Variants in DDX46 observed in about 807,000 individuals in gnomAD.
DDX46 encodes probable ATP-dependent RNA helicase DDX46.
In DDX46, 30 loss-of-function variants were observed where a neutral mutation model predicts 134.9. The ratio of observed to expected loss-of-function variants is 0.22; its 90% CI spans 0.17 to 0.30. The LOEUF (loss-of-function observed/expected upper bound fraction) is 0.30, where lower values mean the gene tolerates loss of function less well. Ranked by LOEUF, DDX46 falls within the 10% of genes least tolerant of loss-of-function variation. The probability of loss-of-function intolerance (pLI) is 1.00; values close to 1 mark genes in which losing one functional copy is unlikely to be tolerated. For synonymous variants in DDX46, 415 were observed against 404.1 expected, an observed-to-expected ratio of 1.03 and a Z score of -0.32; for missense variants, 622 against 1,248.7, an observed-to-expected ratio of 0.50 and a Z score of 7.56.
intron 13 of DDX46, among the ~76,000 whole-genome samples, chr5:134,794,475 C>G (rs1269563499): frequency 6.6e-6 from 1 of 152,124 alleles, no homozygotes; most frequent in Non-Finnish European, 1.5e-5. Flanking sequence ...GAATCCTCCT[C>G]TTTTTGTCTG....
At chr5:134,825,265 T>C (rs1755558707) in intron 21 of DDX46, among the ~76,000 whole-genome samples, 1 of 152,240 alleles carries the variant, frequency 6.6e-6, no homozygotes, top group Non-Finnish European at 1.5e-5. Context: ...TAATTTTCAG[T>C]TTGACTTCGG....
At chr5:134,763,815 C>T in intron 1 of DDX46, 89 bp from the exon 2 acceptor site, 1 of 1,406,496 alleles carries the variant, frequency 7.1e-7, no homozygotes, top group Non-Finnish European at 9.5e-7. Context: ...TTAAATTTGT[C>T]TGCTGAAATT....
intron 1 of DDX46, among the ~76,000 whole-genome samples, chr5:134,760,930 C>T (rs1427879878): frequency 2.6e-5 from 4 of 152,058 alleles, no homozygotes; most frequent in Non-Finnish European, 1.5e-5. Flanking sequence ...GGGGTTTCAC[C>T]GTGTTAGCCA....
chr5:134,767,116 C>T, intron 3 of DDX46, 56 bp downstream of exon 3: 1 of 1,504,934 alleles, frequency 6.6e-7, no homozygotes, highest in Non-Finnish European at 8.9e-7. Flanking sequence ...CTTCCCTTCT[C>T]TGCGCCTTTT....
chr5:134,823,119 A>G (rs1433286192), intron 21 of DDX46, among the ~76,000 whole-genome samples: 1 of 147,758 alleles, frequency 6.8e-6, no homozygotes, highest in African/African-American at 2.5e-5. Flanking sequence ...CTAGCAACTA[A>G]CTCAGGTTTT....
chr5:134,812,606 A>G (rs1459420658), intron 18 of DDX46, among the ~76,000 whole-genome samples: 1 of 152,128 alleles, frequency 6.6e-6, no homozygotes, highest in Non-Finnish European at 1.5e-5. Context: ...TTGTCCTATT[A>G]ACCTTAAGCC....
intron 11 of DDX46, among the ~76,000 whole-genome samples, chr5:134,786,120 A>AT (rs1300863106): frequency 6.6e-6 from 1 of 152,110 alleles, no homozygotes; most frequent in Non-Finnish European, 1.5e-5. Flanking sequence ...AAGTGTTGGG[A>AT]TTACAGGTGT....
intron 18 of DDX46, among the ~76,000 whole-genome samples, chr5:134,812,710 CA>C (rs150257312): frequency 0.086 from 13,123 of 151,940 alleles, 1,299 homozygotes; most frequent in African/African-American, 0.24. Context: ...AATCTCAGCT[CA>C]ACTGCAACCT....
At chr5:134,819,537 A>G (rs1340931626) in intron 21 of DDX46, among the ~76,000 whole-genome samples, 1 of 152,078 alleles carries the variant, frequency 6.6e-6, no homozygotes, top group African/African-American at 2.4e-5. Context: ...GGCAATTTCC[A>G]TCTTTATTTA....
At chr5:134,790,325 C>T in intron 12 of DDX46, 145 bp from the exon 13 acceptor site, 1 of 688,922 alleles carries the variant, frequency 1.5e-6, no homozygotes, top group Non-Finnish European at 2.4e-6. Context: ...TTTCTTTTCA[C>T]TTTTTAAAGA....
At chr5:134,828,593 C>T (rs1263061961) in intron 22 of DDX46, 66 bp from the exon 23 acceptor site, 29 of 880,428 alleles carry the variant, frequency 3.3e-5, no homozygotes, top group African/African-American at 3.0e-4. Context: ...TTGGTTGGTT[C>T]GTTTTTTTTT....
At chr5:134,764,634 A>G (rs975559044) in intron 2 of DDX46, among the ~76,000 whole-genome samples, 1 of 152,204 alleles carries the variant, frequency 6.6e-6, no homozygotes, top group African/African-American at 2.4e-5. Context: ...CCTGTAACCC[A>G]AAGACATCCC....
chr5:134,762,778 CG>C (rs1753431892), intron 1 of DDX46, among the ~76,000 whole-genome samples: 2 of 150,204 alleles, frequency 1.3e-5, no homozygotes, highest in African/African-American at 4.9e-5. Flanking sequence ...GCTGAGTGGC[CG>C]GGCGCAGTGG....
chr5:134,778,596 C>CA (rs529393584), intron 6 of DDX46, among the ~76,000 whole-genome samples: 2 of 151,912 alleles, frequency 1.3e-5, no homozygotes, highest in Non-Finnish European at 1.5e-5. Flanking sequence ...TTTTCTGAGA[C>CA]AGAGTCTCGC....
chr5:134,800,710 T>A (rs1336101141), intron 15 of DDX46, among the ~76,000 whole-genome samples: 1 of 152,144 alleles, frequency 6.6e-6, no homozygotes, highest in Non-Finnish European at 1.5e-5. Context: ...AGTTTTGCTC[T>A]TGTTGCCCAG....
chr5:134,784,890 A>G (rs1030378493), intron 10 of DDX46, among the ~76,000 whole-genome samples: 1 of 152,224 alleles, frequency 6.6e-6, no homozygotes, highest in Non-Finnish European at 1.5e-5. Context: ...AAGATATCCT[A>G]GGGAAACATA....
intron 16 of DDX46, among the ~76,000 whole-genome samples, chr5:134,810,841 A>G (rs928774344): frequency 2.6e-5 from 4 of 151,754 alleles, no homozygotes; most frequent in Non-Finnish European, 5.9e-5. Context: ...CCATGTCTCT[A>G]GTGAAAATAC....
At chr5:134,768,611 A>T (rs1753656682) in intron 3 of DDX46, among the ~76,000 whole-genome samples, 1 of 150,044 alleles carries the variant, frequency 6.7e-6, no homozygotes, top group East Asian at 1.9e-4. Flanking sequence ...GGATTTCTAA[A>T]CTACTTTAAA....
chr5:134,806,128 G>A (rs1309608404), intron 15 of DDX46, among the ~76,000 whole-genome samples: 2 of 151,876 alleles, frequency 1.3e-5, no homozygotes, highest in Non-Finnish European at 2.9e-5. Context: ...CAGGAGAATC[G>A]CTTGAACCTG....
Sources: gnomAD v4.1 joint callset for allele counts (sites outside exome capture counted in the v4.1 genomes callset) on GRCh38, gnomAD v4.1.1 for gene constraint, MANE v1.5 for transcripts, NCBI Gene and HGNC (gene_info 2026-07-23, HGNC 2026-07-21) for gene names.